The following PTPRD variants were observed in gnomAD, a reference collection of about 807,000 sequenced individuals.
The protein encoded by PTPRD is protein tyrosine phosphatase receptor type D.
A neutral mutation model predicts 214.5 loss-of-function variants in PTPRD; 34 were observed. The ratio of observed to expected loss-of-function variants is 0.16; its 90% CI spans 0.12 to 0.21. The LOEUF (loss-of-function observed/expected upper bound fraction) is 0.21. Ranked by LOEUF, PTPRD falls within the 10% of genes least tolerant of loss-of-function variation. The probability of loss-of-function intolerance (pLI) is 1.00; values close to 1 mark genes in which losing one functional copy is unlikely to be tolerated. For synonymous variants in PTPRD, 1,128 were observed against 845.7 expected (o/e 1.33, Z -5.79); for missense variants, 2,545 against 2,398.7 (o/e 1.06, Z -1.27).
chr9:9,929,556 G>A (rs543903989), intron 5 of PTPRD, among the ~76,000 whole-genome samples: 1 of 152,078 alleles, frequency 6.6e-6, no homozygotes, highest in Non-Finnish European at 1.5e-5. Flanking sequence ...ACCATGCCCA[G>A]CTAACTTTTA....
At chr9:8,511,069 A>G (rs2097669873) in intron 21 of PTPRD, among the ~76,000 whole-genome samples, 1 of 151,826 alleles carries the variant, frequency 6.6e-6, no homozygotes, top group Non-Finnish European at 1.5e-5. Context: ...CATTTTATTT[A>G]TATATTTATT....
intron 5 of PTPRD, among the ~76,000 whole-genome samples, chr9:9,831,219 C>T (rs546765995): frequency 6.6e-5 from 10 of 151,930 alleles, no homozygotes; most frequent in South Asian, 2.1e-4. Context: ...ATACAGTGAA[C>T]GACACACACT....
chr9:9,354,535 G>C (rs936390221), intron 9 of PTPRD, among the ~76,000 whole-genome samples: 13 of 150,784 alleles, frequency 8.6e-5, no homozygotes, highest in Non-Finnish European at 1.9e-4. Flanking sequence ...TTTTTTTGTG[G>C]TAGGCTCTCT....
intron 3 of PTPRD, among the ~76,000 whole-genome samples, chr9:10,235,592 A>G (rs2099626373): frequency 6.6e-6 from 1 of 152,156 alleles, no homozygotes; most frequent in African/African-American, 2.4e-5. Flanking sequence ...ATGCTGGCAC[A>G]AAAGAAAACT....
rs559064313 is a variant in PTPRD, at chr9:10,581,410, T to C, written c.-600+30988A>G. Among the ~76,000 whole-genome samples the C allele has an allele frequency of 3.3e-5, 5 of 152,344 alleles. No homozygotes were observed. In the South Asian group the frequency reaches 1.0e-3, roughly 32 times the overall value. On this transcript the variant is annotated intron_variant, in intron 2 of 45. Coordinates refer to ENST00000381196, the MANE Select transcript of PTPRD (RefSeq NM_002839.4). ...TATAGACTGCTCATCTGTTTATTCA[T>C]AGCTATAACCAAACAATTTAAACCT... is the stretch of plus-strand genomic sequence containing the variant.
rs192302484 is a variant in PTPRD, at chr9:8,760,622, G to C, written c.-103-26676C>G. ...TCTGTGTGTGTGTGTGTGTGTGTGT[G>C]TGTGTGGCGGTGGGGGGATGTATGC... On this transcript the variant is annotated intron_variant, in intron 11 of 45. Coordinates refer to ENST00000381196, the MANE Select transcript of PTPRD (RefSeq NM_002839.4). Among the ~76,000 whole-genome samples the C allele has an allele frequency of 2.8e-4, 43 of 152,064 alleles. No individual in the cohort carries two copies. The Middle Eastern group carries it at 0.014, about 48-fold the overall frequency.
At chr9:10,059,125 A>G (rs1241785174) in intron 3 of PTPRD, among the ~76,000 whole-genome samples, 1 of 152,164 alleles carries the variant, frequency 6.6e-6, no homozygotes, top group African/African-American at 2.4e-5. Flanking sequence ...CCTTGCTAAC[A>G]GCATTATGTG....
intron 11 of PTPRD, among the ~76,000 whole-genome samples, chr9:8,767,336 C>T (rs138455031): frequency 0.012 from 1,839 of 152,086 alleles, 34 homozygotes; most frequent in African/African-American, 0.042. Flanking sequence ...AGGCTGGTCT[C>T]GAACTCCTGA....
At position 9,493,531 on chromosome 9, in the gene PTPRD, G is replaced by A. The variant is rs560013684; in HGVS notation, c.-237+81201C>T. On this transcript the variant is annotated intron_variant, in intron 8 of 45. Transcript: ENST00000381196. ...TGTCCGGGTAGGGTGGCTCATGCCT[G>A]TAATCCTAGCACTTTGGGAGGCCGA... is the stretch of plus-strand genomic sequence containing the variant. Among the ~76,000 whole-genome samples, 2 of 152,194 alleles carry A rather than the reference G, an allele frequency of 1.3e-5. 1 individual carries two copies. Among genetic ancestry groups the A allele is most frequent in the African/African-American group, 4.8e-5 (2 of 41,510 alleles).
intron 11 of PTPRD, among the ~76,000 whole-genome samples, chr9:8,848,756 T>C (rs2097757691): frequency 6.6e-6 from 1 of 151,340 alleles, no homozygotes; most frequent in African/African-American, 2.4e-5. Context: ...GTTGGGATGC[T>C]TGACTTAAAA....
chr9:9,902,195 GC>G (rs1347054667), intron 5 of PTPRD, among the ~76,000 whole-genome samples: 1 of 151,266 alleles, frequency 6.6e-6, no homozygotes, highest in Non-Finnish European at 1.5e-5. Context: ...GTGTGTACGT[GC>G]ATCAGCGCCC....
Position 10,209,114 on chromosome 9 carries a change from A to G in PTPRD, c.-545+131849T>C, listed in dbSNP as rs180765463. ...TTTTTCCACTGGAAACTGTGTGACT[A>G]CAATATTATTTATGAAATTGTATTG... On this transcript the variant is annotated intron_variant, in intron 3 of 45. Transcript: ENST00000381196. Among the ~76,000 whole-genome samples, 170 of 152,260 alleles carry G rather than the reference A, an allele frequency of 1.1e-3. 1 individual carries two copies. In the South Asian group the frequency reaches 0.033, roughly 30 times the overall value.
chr9:8,505,624 CAAA>C (rs954059567), intron 22 of PTPRD, among the ~76,000 whole-genome samples: 5 of 55,750 alleles, frequency 9.0e-5, no homozygotes, highest in South Asian at 5.7e-4. Context: ...GACTCTGTCT[CAAA>C]AAAAAAAAAA....
At chr9:9,344,300 G>A (rs1010539996) in intron 9 of PTPRD, among the ~76,000 whole-genome samples, 4 of 151,846 alleles carry the variant, frequency 2.6e-5, no homozygotes, top group Admixed American at 6.6e-5. Flanking sequence ...ACACAGGGAG[G>A]GGGCATCACA....
chr9:9,672,247 A>T (rs2096845787), intron 7 of PTPRD, among the ~76,000 whole-genome samples: 1 of 152,128 alleles, frequency 6.6e-6, no homozygotes, highest in Admixed American at 6.5e-5. Flanking sequence ...TTTTTAGCAA[A>T]TTCTATCATC....
At chr9:8,428,381 G>A (rs7028474) in intron 35 of PTPRD, among the ~76,000 whole-genome samples, 11,171 of 152,204 alleles carry the variant, frequency 0.073, 633 homozygotes, top group African/African-American at 0.16. Flanking sequence ...GTACAAAAAT[G>A]TTGTTACTGC....
chr9:9,077,701 A>T lies in PTPRD; in HGVS notation c.-142-58966T>A, dbSNP rs903080981. Among the ~76,000 whole-genome samples, 5 of 151,952 alleles carry T rather than the reference A, an allele frequency of 3.3e-5. No homozygotes were observed. The South Asian group carries it at 6.2e-4, about 19-fold the overall frequency. Reference sequence around the variant, plus strand: ...TTGTGAAATATCACTTTACTGGGGGAGGGAGGAGTAGTCACATATGATGGT... The same window carrying T: ...TTGTGAAATATCACTTTACTGGGGGTGGGAGGAGTAGTCACATATGATGGT... On this transcript the variant is annotated intron_variant, in intron 10 of 45. Coordinates refer to ENST00000381196, the MANE Select transcript of PTPRD (RefSeq NM_002839.4).
chr9:9,493,212 G>C (rs559778190), intron 8 of PTPRD, among the ~76,000 whole-genome samples: 1 of 151,852 alleles, frequency 6.6e-6, no homozygotes, highest in Non-Finnish European at 1.5e-5. Context: ...AATGCTTAAG[G>C]TACTCTGCCT....
rs181811079 is a variant in PTPRD, at chr9:8,801,517, G to A, written c.-103-67571C>T. ...GGACCACCTGAGGTTGGGAGTTTGA[G>A]ACCAGCCTGACCAACAGGGAGAAAC... On this transcript the variant is annotated intron_variant, in intron 11 of 45. Coordinates refer to ENST00000381196, the MANE Select transcript of PTPRD (RefSeq NM_002839.4). 2.2e-3 allele frequency among the ~76,000 whole-genome samples: 333 copies of A among 152,218 alleles called. 4 individuals carry two copies. The highest frequency in any genetic ancestry group is 1.1e-3 in the Non-Finnish European group (74 of 68,024).
Sources: allele counts gnomAD v4.1 joint callset (sites outside exome capture counted in the v4.1 genomes callset), GRCh38; gene constraint gnomAD v4.1.1; transcripts MANE v1.5; gene names NCBI Gene and HGNC (gene_info 2026-07-23, HGNC 2026-07-21).